The following DPEP1 variants were observed in gnomAD, a reference collection of about 807,000 sequenced individuals.
The protein encoded by DPEP1 is beta-lactamase.
DPEP1 carries 50 observed loss-of-function variants against 42.3 expected under a neutral mutation model. That is an observed-to-expected ratio of 1.18 (90% CI 0.94 to 1.50). DPEP1 has a LOEUF of 1.50. Among genes scored for constraint, DPEP1 ranks in the 40% most tolerant of loss-of-function variants. DPEP1 has a pLI of 0.00. For missense variants in DPEP1, 663 were observed against 553.0 expected, an observed-to-expected ratio of 1.20 and a Z score of -1.99; for synonymous variants, 297 against 234.0, an observed-to-expected ratio of 1.27 and a Z score of -2.46.
At position 89,636,896 on chromosome 16, in the gene DPEP1, C is replaced by T. The variant is rs1656136908; in HGVS notation, c.552C>T (p.Asp184=). ...ACAACTGGCTGGTGGACACGGGAGA[C>T]AGCGAGCCCCAGAGCCAAGGCTTGT... ...WADNWLVDTG[D]SEPQSQGLSP... The change falls in exon 6 of 11, where the codon GAC becomes GAT. Residue 184 remains aspartate (D), a synonymous_variant. Transcript: ENST00000690203. 1.9e-6 allele frequency: 3 copies of T among 1,612,550 alleles called. No individual in the cohort carries two copies. The highest frequency in any genetic ancestry group is 2.5e-6 in the Non-Finnish European group (3 of 1,179,942).
chr16:89,615,354 CTGG>C (rs2059370983), intron 1 of DPEP1, among the ~76,000 whole-genome samples: 1 of 152,166 alleles, frequency 6.6e-6, no homozygotes, highest in Non-Finnish European at 1.5e-5. Context: ...GCAGGCGGGC[CTGG>C]CAGGGCAGTG....
chr16:89,626,936 G>T (rs1253340539), intron 1 of DPEP1, among the ~76,000 whole-genome samples: 2 of 151,712 alleles, frequency 1.3e-5, no homozygotes, highest in African/African-American at 2.4e-5. Flanking sequence ...TGGCCAACAT[G>T]GTGAAACTGT....
intron 1 of DPEP1, among the ~76,000 whole-genome samples, chr16:89,617,430 C>T (rs448790): frequency 0.98 from 149,061 of 152,268 alleles, 73,033 homozygotes; most frequent in East Asian, 1. Context: ...CTGAGGCTTG[C>T]GCACATGTTA....
chr16:89,613,802 CTG>C (rs1204816539), intron 1 of DPEP1, 83 bp downstream of exon 1: 1 of 159,808 alleles, frequency 6.3e-6, no homozygotes, highest in African/African-American at 2.4e-5. Flanking sequence ...CAGGGCACCA[CTG>C]TGGGTGGAAG....
rs1484624492 is a variant in DPEP1, at chr16:89,637,635, A to C, written c.857A>C (p.His286Pro). Residue 286 changes from histidine (H) to proline (P), a missense_variant, in exon 9 of 11, where the codon CAT (histidine) becomes CCT (proline). Physicochemically the swap from His to Pro is moderately conservative, Grantham distance 77 (BLOSUM62 -2). Coordinates refer to ENST00000690203, the MANE Select transcript of DPEP1 (RefSeq NM_001389466.1). ...ATACCTGCTGCTCCCTGGACAGACC[A>C]TCTGGATCACATCAAGGAGGTGGCA... ...NKANLSQVADHLDHIKEVAGA... is the reference protein window; with the variant it reads ...NKANLSQVADPLDHIKEVAGA... 6.2e-7 allele frequency: 1 copy of C among 1,612,966 alleles called. No homozygotes were observed. Among genetic ancestry groups the C allele is most frequent in the East Asian group, 2.2e-5 (1 of 44,884 alleles).
chr16:89,626,783 T>C (rs112233725), intron 1 of DPEP1, among the ~76,000 whole-genome samples: 8,646 of 152,136 alleles, frequency 0.057, 342 homozygotes, highest in Admixed American at 0.082. Context: ...TCCCCAGCCA[T>C]GTGGAACTGT....
chr16:89,621,515 G>C (rs1333234046), intron 1 of DPEP1, among the ~76,000 whole-genome samples: 1 of 152,208 alleles, frequency 6.6e-6, no homozygotes, highest in Non-Finnish European at 1.5e-5. Context: ...AGCCACCGGG[G>C]CCTCCCACGG....
chr16:89,637,954 T>G lies in DPEP1; in HGVS notation c.1048T>G (p.Phe350Val), dbSNP rs2059706121. 6.2e-7 allele frequency: 1 copy of G among 1,609,224 alleles called. No homozygotes were observed. Among genetic ancestry groups the G allele is most frequent in the Non-Finnish European group, 8.5e-7 (1 of 1,178,442 alleles). ...GALADNLLRV[F>V]EAVEQASNLT... Reference sequence around the variant, plus strand: ...ACTGGCTGACAACCTGCTGAGGGTCTTCGAGGCTGTGGAACAGGTGAGGAT... The same window carrying G: ...ACTGGCTGACAACCTGCTGAGGGTCGTCGAGGCTGTGGAACAGGTGAGGAT... Residue 350 changes from phenylalanine to valine, a missense_variant, in exon 10 of 11, where the codon TTC becomes GTC. Physicochemically the swap from Phe to Val is conservative, Grantham distance 50 (BLOSUM62 -1). Coordinates refer to ENST00000690203, the MANE Select transcript of DPEP1 (RefSeq NM_001389466.1).
downstream of DPEP1, among the ~76,000 whole-genome samples, chr16:89,640,015 C>G (rs986038981): frequency 1.1e-4 from 17 of 152,184 alleles, no homozygotes; most frequent in African/African-American, 4.1e-4. Flanking sequence ...TCTGCATCGG[C>G]GTGGCCCCCA....
rs1567979093 is a variant in DPEP1, at chr16:89,617,704, G to GAGGCTGGGCGCGGCAGCT, written c.-107+3985_-107+3986insAGGCTGGGCGCGGCAGCT. Among the ~76,000 whole-genome samples, 3 of 151,172 alleles carry GAGGCTGGGCGCGGCAGCT rather than the reference G, an allele frequency of 2.0e-5. 1 individual carries two copies. The highest frequency in any genetic ancestry group is 4.4e-5 in the Non-Finnish European group (3 of 67,528). On this transcript the variant is annotated intron_variant, in intron 1 of 10. Coordinates refer to ENST00000690203, the MANE Select transcript of DPEP1 (RefSeq NM_001389466.1). ...TAATCCCAGCACTTTGGGAGGTTGG[G>GAGGCTGGGCGCGGCAGCT]CACGGTGGCTCACACCTGTAATCCC...
intron 1 of DPEP1, among the ~76,000 whole-genome samples, chr16:89,621,259 T>G: frequency 8.7e-6 from 1 of 115,034 alleles, no homozygotes; most frequent in South Asian, 3.0e-4. Context: ...CTGGTGCAGA[T>G]GTGGGCTGTG....
chr16:89,617,343 C>T (rs1374325738), intron 1 of DPEP1, among the ~76,000 whole-genome samples: 1 of 152,086 alleles, frequency 6.6e-6, no homozygotes, highest in African/African-American at 2.4e-5. Context: ...AGGGGAAAAG[C>T]GCTCCTGCCT....
At chr16:89,631,572 C>G (rs1290117667) in intron 2 of DPEP1, among the ~76,000 whole-genome samples, 3 of 152,200 alleles carry the variant, frequency 2.0e-5, no homozygotes, top group Non-Finnish European at 4.4e-5. Context: ...CTTCAGGGAA[C>G]AGTCCAGGCT....
chr16:89,636,389 C>T lies in DPEP1; in HGVS notation c.363C>T (p.Ser121=), dbSNP rs763811459. The change falls in exon 4 of 11, where the codon AGC becomes AGT. Residue 121 remains serine (S), a synonymous_variant. Coordinates refer to ENST00000690203, the MANE Select transcript of DPEP1 (RefSeq NM_001389466.1). ...MYPETFLYVT[S]SAGIRQAFRE... ...CGGAGACCTTCCTGTATGTCACCAG[C>T]AGTGCAGGTGGGGTCCTGACCTGGG... 5 of 1,611,434 alleles carry T rather than the reference C, an allele frequency of 3.1e-6. No individual in the cohort carries two copies. In the Admixed American group the frequency reaches 5.0e-5, roughly 16 times the overall value.
rs374721729 is a variant in DPEP1 at position 89,636,238 on chromosome 16, C to T, written c.238-26C>T. On this transcript the variant is annotated intron_variant, in intron 3 of 10. Coordinates refer to ENST00000690203, the MANE Select transcript of DPEP1 (RefSeq NM_001389466.1). ...GTGGGCTGAGACCTGGCTGCATCAGCTCCTGGCACCCCCTGCGGCCCACAG... is the reference window on the plus strand; with the variant it reads ...GTGGGCTGAGACCTGGCTGCATCAGTTCCTGGCACCCCCTGCGGCCCACAG... The T allele has an allele frequency of 3.8e-5, 61 of 1,594,154 alleles. No individual in the cohort carries two copies. In the African/African-American group the frequency reaches 5.7e-4, roughly 15 times the overall value.
chr16:89,631,846 G>A (rs569242011), intron 2 of DPEP1, among the ~76,000 whole-genome samples: 4 of 152,076 alleles, frequency 2.6e-5, no homozygotes, highest in Non-Finnish European at 5.9e-5. Flanking sequence ...AACAGAGTGA[G>A]ACTCCATCTC....
chr16:89,636,889 C>A lies in DPEP1; in HGVS notation c.545C>A (p.Thr182Lys). 6.2e-7 allele frequency: 1 copy of A among 1,612,532 alleles called. No individual in the cohort carries two copies. The highest frequency in any genetic ancestry group is 1.7e-5 in the Admixed American group (1 of 60,012). The change falls in exon 6 of 11, where the codon ACG (threonine) becomes AAG (lysine). Residue 182 changes from threonine to lysine, a missense_variant. By Grantham distance (78) the Thr-to-Lys change is moderately conservative. Transcript: ENST00000690203. ...AGGGCTGACAACTGGCTGGTGGACACGGGAGACAGCGAGCCCCAGAGCCAA... is the reference window on the plus strand; with the variant it reads ...AGGGCTGACAACTGGCTGGTGGACAAGGGAGACAGCGAGCCCCAGAGCCAA... The part of the protein sequence containing the change: ...TPWADNWLVD[T>K]GDSEPQSQGL...
chr16:89,614,724 G>A (rs1483835256), intron 1 of DPEP1, among the ~76,000 whole-genome samples: 4 of 152,378 alleles, frequency 2.6e-5, no homozygotes, highest in East Asian at 3.9e-4. Flanking sequence ...GAACCCGGGA[G>A]GCGGAGGTTG....
rs200581745 is a variant in DPEP1 at position 89,630,417 on chromosome 16, A to C, written c.7A>C (p.Ser3Arg). 5 of 1,609,226 alleles carry C rather than the reference A, an allele frequency of 3.1e-6. No homozygotes were observed. The highest frequency in any genetic ancestry group is 4.2e-6 in the Non-Finnish European group (5 of 1,177,638). The change falls in exon 2 of 11, where the codon AGC becomes CGC. Residue 3 changes from serine to arginine, a missense_variant. Coordinates refer to ENST00000690203, the MANE Select transcript of DPEP1 (RefSeq NM_001389466.1). Reference protein sequence around the residue: MWSGWWLWPLVAV... With the variant: MWRGWWLWPLVAV... ...GGTCCCCGGGGACCCCACCATGTGG[A>C]GCGGATGGTGGCTGTGGCCCCTTGT...
Sources: gnomAD v4.1 joint callset for allele counts (sites outside exome capture counted in the v4.1 genomes callset) on GRCh38, gnomAD v4.1.1 for gene constraint, MANE v1.5 for transcripts, NCBI Gene and HGNC (gene_info 2026-07-23, HGNC 2026-07-21) for gene names.